Variants in TMEM74 observed in about 807,000 individuals in gnomAD.
TMEM74 encodes the protein transmembrane protein 74.
TMEM74 carries 13 observed loss-of-function variants against 18.1 expected under a neutral mutation model. The observed-to-expected ratio is 0.72, with a 90% CI of 0.47 to 1.14. TMEM74 has a LOEUF of 1.14. Among genes scored for constraint, TMEM74 ranks in the 50% most tolerant of loss-of-function variants. The pLI is 0.00. For missense variants in TMEM74, 372 were observed against 375.9 expected (o/e 0.99, Z 0.09); for synonymous variants, 159 against 146.6 (o/e 1.08, Z -0.61).
intron 2 of TMEM74, among the ~76,000 whole-genome samples, chr8:108,641,073 A>C (rs1563738332): frequency 6.6e-6 from 1 of 152,086 alleles, no homozygotes; most frequent in Admixed American, 6.6e-5. Flanking sequence ...TATTTGTGGG[A>C]TCATGATGCT....
chr8:108,727,308 C>A (rs10088916), intron 1 of TMEM74, among the ~76,000 whole-genome samples: 9,396 of 152,098 alleles, frequency 0.062, 800 homozygotes, highest in African/African-American at 0.19. Context: ...AGACAGAAAA[C>A]AGGAATCCAC....
intron 2 of TMEM74, among the ~76,000 whole-genome samples, chr8:108,636,909 G>A (rs1311529117): frequency 6.6e-6 from 1 of 151,996 alleles, no homozygotes; most frequent in African/African-American, 2.4e-5. Context: ...AGGAAAGTTT[G>A]TCTCAGCTAC....
At chr8:108,622,153 C>T (rs1466908502) in intron 2 of TMEM74, among the ~76,000 whole-genome samples, 3 of 151,966 alleles carry the variant, frequency 2.0e-5, no homozygotes, top group South Asian at 4.2e-4. Flanking sequence ...TTTCAAAACC[C>T]GGAAGTGCTG....
At position 108,779,474 on chromosome 8, in the gene TMEM74, G is replaced by A. The variant is rs1218044446; in HGVS notation, c.*4707C>T. The stretch of plus-strand genomic sequence containing the variant: ...CCCCTGAAATAAAATAACAATTCAC[G>A]GTAAAATAATTTCCAAATATCTCAC... On this transcript the variant is annotated 3_prime_UTR_variant, in exon 2 of 2. Transcript: ENST00000297459. Among the ~76,000 whole-genome samples, 8 of 152,058 alleles carry A rather than the reference G, an allele frequency of 5.3e-5. No individual in the cohort carries two copies. The East Asian group carries it at 1.2e-3, about 22-fold the overall frequency.
At chr8:108,673,983 C>T (rs377691137) in intron 1 of TMEM74, among the ~76,000 whole-genome samples, 5 of 152,066 alleles carry the variant, frequency 3.3e-5, no homozygotes, top group Admixed American at 2.0e-4. Context: ...ATTTTTATAA[C>T]GTCCCAAGTT....
chr8:108,676,087 G>C (rs1813053534), intron 1 of TMEM74, among the ~76,000 whole-genome samples: 1 of 152,164 alleles, frequency 6.6e-6, no homozygotes, highest in African/African-American at 2.4e-5. Flanking sequence ...AATGAAAGAG[G>C]AGGATATTCA....
intron 1 of TMEM74, among the ~76,000 whole-genome samples, chr8:108,705,138 G>C (rs971416203): frequency 6.6e-6 from 1 of 152,142 alleles, no homozygotes; most frequent in Non-Finnish European, 1.5e-5. Context: ...TAGTCCCACG[G>C]TTTGTAAAAC....
chr8:108,723,849 C>A (rs923635070), intron 1 of TMEM74, among the ~76,000 whole-genome samples: 2 of 152,212 alleles, frequency 1.3e-5, no homozygotes, highest in East Asian at 1.9e-4. Flanking sequence ...AATGTTTCTT[C>A]CAGGGAATTA....
intron 1 of TMEM74, among the ~76,000 whole-genome samples, chr8:108,769,123 T>G (rs2130669665): frequency 6.7e-6 from 1 of 149,032 alleles, no homozygotes; most frequent in African/African-American, 2.5e-5. Context: ...GCCAACATGG[T>G]GAAACACTAT....
chr8:108,690,905 G>T (rs918307198), intron 1 of TMEM74, among the ~76,000 whole-genome samples: 2 of 152,166 alleles, frequency 1.3e-5, no homozygotes, highest in Non-Finnish European at 2.9e-5. Context: ...GTTCCATCAT[G>T]TGAAGACTTC....
At chr8:108,627,914 G>A (rs1812510460) in intron 2 of TMEM74, among the ~76,000 whole-genome samples, 1 of 152,052 alleles carries the variant, frequency 6.6e-6, no homozygotes. Flanking sequence ...CATTAGCTGG[G>A]TATGGTGGTG....
intron 1 of TMEM74, among the ~76,000 whole-genome samples, chr8:108,659,724 C>G (rs1245637649): frequency 6.6e-6 from 1 of 152,158 alleles, no homozygotes; most frequent in South Asian, 2.1e-4. Flanking sequence ...CTGCTCCAAC[C>G]TGTGTTGCCC....
intron 2 of TMEM74, among the ~76,000 whole-genome samples, chr8:108,646,003 A>G (rs947168792): frequency 6.6e-6 from 1 of 152,068 alleles, no homozygotes; most frequent in Non-Finnish European, 1.5e-5. Flanking sequence ...TGCCTCTATT[A>G]GTTAATGAGA....
At chr8:108,720,750 ATTTATTAGTTTGTTT>A (rs1813578971) in intron 1 of TMEM74, among the ~76,000 whole-genome samples, 1 of 149,356 alleles carries the variant, frequency 6.7e-6, no homozygotes. Flanking sequence ...TTATTTATTT[ATTTATTAGTTTGTTT>A]GTTTGTTTGT....
chr8:108,701,988 C>A (rs1298461647), intron 1 of TMEM74, among the ~76,000 whole-genome samples: 4 of 151,902 alleles, frequency 2.6e-5, no homozygotes, highest in Non-Finnish European at 5.9e-5. Flanking sequence ...TTAACACTAC[C>A]CAACATTAAG....
intron 1 of TMEM74, among the ~76,000 whole-genome samples, chr8:108,744,387 G>C (rs897538468): frequency 6.6e-6 from 1 of 152,112 alleles, no homozygotes. Flanking sequence ...GGGTGCCTCC[G>C]GGAAAAACAC....
At chr8:108,647,939 A>G (rs924460974) in intron 2 of TMEM74, among the ~76,000 whole-genome samples, 18 of 152,272 alleles carry the variant, frequency 1.2e-4, no homozygotes, top group East Asian at 3.9e-4. Context: ...TATAATAAGA[A>G]AGGGGTAAAC....
At chr8:108,763,506 C>A (rs531010248) in intron 1 of TMEM74, among the ~76,000 whole-genome samples, 2 of 152,098 alleles carry the variant, frequency 1.3e-5, no homozygotes, top group South Asian at 2.1e-4. Context: ...AAACAATTGA[C>A]GCTTGGCATT....
chr8:108,633,921 T>C (rs775811830), intron 2 of TMEM74, among the ~76,000 whole-genome samples: 1 of 152,076 alleles, frequency 6.6e-6, no homozygotes, highest in Non-Finnish European at 1.5e-5. Flanking sequence ...GGCAAATGTT[T>C]GGTATTTTAT....
Sources: allele counts gnomAD v4.1 joint callset (sites outside exome capture counted in the v4.1 genomes callset), GRCh38; gene constraint gnomAD v4.1.1; transcripts MANE v1.5; gene names NCBI Gene and HGNC (gene_info 2026-07-23, HGNC 2026-07-21).